DPYD: variants seen among roughly 807,000 people sequenced by gnomAD.
The protein encoded by DPYD is dihydropyrimidine dehydrogenase.
DPYD carries 109 observed loss-of-function variants against 116.2 expected under a neutral mutation model. The ratio of observed to expected loss-of-function variants is 0.94; its 90% CI spans 0.80 to 1.10. The LOEUF is 1.10. Among genes scored for constraint, DPYD ranks in the 50% least tolerant of loss-of-function variants. DPYD has a pLI of 0.00. For synonymous variants in DPYD, 440 were observed against 432.0 expected (o/e 1.02, Z -0.23); for missense variants, 1,302 against 1,254.5 (o/e 1.04, Z -0.57).
intron 16 of DPYD, among the ~76,000 whole-genome samples, chr1:97,366,375 G>T (rs188787642): frequency 7.2e-5 from 11 of 152,256 alleles, no homozygotes; most frequent in Admixed American, 6.5e-4. Context: ...AAAATAGGAT[G>T]AATCCAATGA....
At chr1:97,401,495 G>C (rs541254643) in intron 14 of DPYD, among the ~76,000 whole-genome samples, 96 of 152,172 alleles carry the variant, frequency 6.3e-4, no homozygotes, top group Non-Finnish European at 1.2e-3. Flanking sequence ...TGTATTTTTA[G>C]TAGAGATGGG....
rs578126216 is a variant in DPYD at position 97,170,349 on chromosome 1, T to C, written c.2622+22720A>G. ...GACAGTAATAAGAATTATAAGCCAA[T>C]TGAAGGTTGCTTACCACAGGGGAAT... On this transcript the variant is annotated intron_variant, in intron 20 of 22. Transcript: ENST00000370192. 1.4e-4 allele frequency among the ~76,000 whole-genome samples: 22 copies of C among 152,296 alleles called. 2 individuals carry two copies. The highest frequency in any genetic ancestry group is 1.6e-4 in the Non-Finnish European group (11 of 68,026).
intron 1 of DPYD, among the ~76,000 whole-genome samples, chr1:97,909,296 T>C (rs1017122438): frequency 1.3e-5 from 2 of 152,066 alleles, no homozygotes; most frequent in Admixed American, 6.6e-5. Context: ...CTAAACCTTA[T>C]ATTATCAATC....
chr1:97,899,452 T>A (rs1287033503), intron 1 of DPYD, among the ~76,000 whole-genome samples: 1 of 151,950 alleles, frequency 6.6e-6, no homozygotes, highest in Non-Finnish European at 1.5e-5. Context: ...TTGTTTCTTT[T>A]AATTTATTCT....
intron 18 of DPYD, among the ~76,000 whole-genome samples, chr1:97,250,294 T>G (rs891384555): frequency 6.6e-6 from 1 of 151,784 alleles, no homozygotes; most frequent in Non-Finnish European, 1.5e-5. Context: ...TAAAAATAAA[T>G]AAATAAATAA....
intron 3 of DPYD, among the ~76,000 whole-genome samples, chr1:97,826,743 A>G (rs1669261895): frequency 6.6e-6 from 1 of 152,094 alleles, no homozygotes; most frequent in African/African-American, 2.4e-5. Flanking sequence ...ATTTGCTAAA[A>G]TTTTCAATAA....
At chr1:97,902,758 C>A (rs766813545) in intron 1 of DPYD, among the ~76,000 whole-genome samples, 1 of 151,698 alleles carries the variant, frequency 6.6e-6, no homozygotes, top group Non-Finnish European at 1.5e-5. Flanking sequence ...TTATTTTAGA[C>A]ACAGAATATT....
At chr1:97,189,441 A>G (rs1392659943) in intron 20 of DPYD, among the ~76,000 whole-genome samples, 1 of 152,182 alleles carries the variant, frequency 6.6e-6, no homozygotes, top group African/African-American at 2.4e-5. Context: ...TCTCATCCCA[A>G]GCACCAAAAA....
intron 17 of DPYD, 133 bp downstream of exon 17, chr1:97,306,044 G>A (rs1667140333): frequency 1.4e-6 from 2 of 1,397,074 alleles, no homozygotes; most frequent in Non-Finnish European, 2.0e-6. Context: ...GGGATCAAGT[G>A]CTCAACTGGA....
intron 5 of DPYD, chr1:97,700,307 A>T: frequency 2.2e-6 from 1 of 455,840 alleles, no homozygotes. Flanking sequence ...ATTAACCTAG[A>T]GCAAAATAAA....
intron 2 of DPYD, among the ~76,000 whole-genome samples, chr1:97,849,146 T>C (rs1670454393): frequency 6.6e-6 from 1 of 152,172 alleles, no homozygotes; most frequent in East Asian, 1.9e-4. Context: ...TAATGTGTAG[T>C]ATAATACAAG....
chr1:97,464,374 T>A (rs1677195159), intron 13 of DPYD, among the ~76,000 whole-genome samples: 1 of 152,184 alleles, frequency 6.6e-6, no homozygotes, highest in African/African-American at 2.4e-5. Flanking sequence ...GAAATTTGCA[T>A]AAGTAACGAG....
chr1:97,791,534 C>T (rs1471303157), intron 3 of DPYD, among the ~76,000 whole-genome samples: 4 of 152,114 alleles, frequency 2.6e-5, no homozygotes, highest in Non-Finnish European at 5.9e-5. Context: ...GAGTAATTTG[C>T]ATTTTTGGTA....
chr1:97,825,884 T>C (rs893842671), intron 3 of DPYD, among the ~76,000 whole-genome samples: 1 of 152,080 alleles, frequency 6.6e-6, no homozygotes, highest in Non-Finnish European at 1.5e-5. Context: ...AAGACTGAAA[T>C]ACTCAGTCTC....
chr1:97,251,022 TA>T (rs1463632765), intron 18 of DPYD, among the ~76,000 whole-genome samples: 1 of 152,298 alleles, frequency 6.6e-6, no homozygotes, highest in Admixed American at 6.5e-5. Flanking sequence ...AATCCACTTC[TA>T]AAAAATTCTT....
intron 10 of DPYD, among the ~76,000 whole-genome samples, chr1:97,578,058 T>C (rs967411703): frequency 1.5e-4 from 23 of 152,036 alleles, no homozygotes; most frequent in African/African-American, 5.1e-4. Flanking sequence ...GTTGGCCAGG[T>C]TGGTCTCAAA....
chr1:97,448,252 T>TAGGCA (rs1676200342), intron 14 of DPYD, among the ~76,000 whole-genome samples: 1 of 152,108 alleles, frequency 6.6e-6, no homozygotes, highest in South Asian at 2.1e-4. Flanking sequence ...AAGGACAACA[T>TAGGCA]AGGCAAATGC....
At position 97,396,141 on chromosome 1, in the gene DPYD, T is replaced by TATG. The variant is rs1246573055; in HGVS notation, c.1906-13683_1906-13681dup. Reference sequence around the variant, plus strand: ...AACTATTACATGCTGTGTACTTGCATATGCTGAGTACTATGTTTAGAATTT... The same window carrying TATG: ...AACTATTACATGCTGTGTACTTGCATATGATGCTGAGTACTATGTTTAGAATTT... On this transcript the variant is annotated intron_variant, in intron 14 of 22. Coordinates refer to ENST00000370192, the MANE Select transcript of DPYD (RefSeq NM_000110.4). Among the ~76,000 whole-genome samples, 3 of 152,094 alleles carry TATG rather than the reference T, an allele frequency of 2.0e-5. No homozygotes were observed. The East Asian group carries it at 5.8e-4, about 29-fold the overall frequency.
intron 16 of DPYD, among the ~76,000 whole-genome samples, chr1:97,323,321 T>C (rs560757841): frequency 5.8e-5 from 8 of 139,120 alleles, no homozygotes; most frequent in African/African-American, 1.9e-4. Context: ...TATATACATA[T>C]GTGTATATGT....
Sources: allele counts gnomAD v4.1 joint callset (sites outside exome capture counted in the v4.1 genomes callset), GRCh38; gene constraint gnomAD v4.1.1; transcripts MANE v1.5; gene names NCBI Gene and HGNC (gene_info 2026-07-23, HGNC 2026-07-21).